CBLN2: variants seen among roughly 807,000 people sequenced by gnomAD.
CBLN2 encodes the protein cerebellin 2 precursor.
Under a neutral mutation model 15.0 loss-of-function variants are expected in CBLN2, and 7 were observed. That is an observed-to-expected ratio of 0.47 (90% CI 0.27 to 0.88). The LOEUF (loss-of-function observed/expected upper bound fraction) is 0.88, where lower values mean the gene tolerates loss of function less well. Among genes scored for constraint, CBLN2 ranks in the 40% least tolerant of loss-of-function variants. The pLI, the probability that CBLN2 is intolerant of heterozygous loss-of-function variation, is 0.14. For missense variants in CBLN2, 242 were observed against 304.5 expected, an observed-to-expected ratio of 0.79 and a Z score of 1.53; for synonymous variants, 149 against 135.2, an observed-to-expected ratio of 1.10 and a Z score of -0.71.
intron 1 of CBLN2, among the ~76,000 whole-genome samples, chr18:72,555,175 G>A (rs918824886): frequency 5.3e-5 from 8 of 150,048 alleles, no homozygotes; most frequent in African/African-American, 2.0e-4. Flanking sequence ...AGAGAGAGAG[G>A]GAAAAAAAAG....
intron 1 of CBLN2, among the ~76,000 whole-genome samples, chr18:72,552,126 C>T (rs1199061542): frequency 4.0e-5 from 6 of 148,340 alleles, no homozygotes; most frequent in South Asian, 2.1e-4. Flanking sequence ...GACAGACTTT[C>T]GCTCTTTTTG....
chr18:72,585,910 A>G (rs1364093666), intron 1 of CBLN2, among the ~76,000 whole-genome samples: 1 of 152,238 alleles, frequency 6.6e-6, no homozygotes, highest in Non-Finnish European at 1.5e-5. Context: ...AGCTTGCAAC[A>G]GTGCTGGGGC....
intron 1 of CBLN2, chr18:72,618,805 C>A: frequency 1.4e-6 from 1 of 740,182 alleles, no homozygotes; most frequent in Non-Finnish European, 2.4e-6. Context: ...TAGGAAAGCC[C>A]TGTCAAAGCA....
Position 72,631,753 on chromosome 18 carries a change from C to T in CBLN2, c.15+6572G>A, listed in dbSNP as rs921375081. Among the ~76,000 whole-genome samples, 4 of 152,102 alleles carry T rather than the reference C, an allele frequency of 2.6e-5. No individual in the cohort carries two copies. In the South Asian group the frequency reaches 8.3e-4, roughly 31 times the overall value. ...AAATTTTCTCAAAACACCTCACTAG[C>T]AGTAGAGCTGCAAAAATTCATCTGA... On this transcript the variant is annotated intron_variant, in intron 1 of 2. Transcript: ENST00000581073.
At chr18:72,563,608 C>A (rs1014905684) in intron 1 of CBLN2, among the ~76,000 whole-genome samples, 1 of 152,198 alleles carries the variant, frequency 6.6e-6, no homozygotes, top group African/African-American at 2.4e-5. Context: ...CTCATCTTCC[C>A]AGTCAAGATC....
chr18:72,595,014 T>A (rs1046534363), intron 1 of CBLN2, among the ~76,000 whole-genome samples: 1 of 151,900 alleles, frequency 6.6e-6, no homozygotes, highest in Non-Finnish European at 1.5e-5. Context: ...GTTTTTTTTT[T>A]CAATTTAATT....
Position 72,537,026 on chromosome 18 carries a change from C to A in CBLN2, c.*1150G>T, listed in dbSNP as rs1203531935. On this transcript the variant is annotated 3_prime_UTR_variant, in exon 5 of 5. Coordinates refer to ENST00000269503, the MANE Select transcript of CBLN2 (RefSeq NM_182511.4). ...TTCCTGGGCAGATCAAAAGAGGATC[C>A]GGAGGAAGAGGAGCTGGTCTGTTGG... 1 of 152,238 alleles carries A rather than the reference C, an allele frequency of 6.6e-6. No individual in the cohort carries two copies. Among genetic ancestry groups the A allele is most frequent in the African/African-American group, 2.4e-5 (1 of 41,396 alleles). The allele number at this position is 152,238 out of a possible 1,614,324, so 9.4% of individuals were successfully genotyped here.
At chr18:72,573,967 T>C (rs898139621) in intron 1 of CBLN2, among the ~76,000 whole-genome samples, 11 of 152,322 alleles carry the variant, frequency 7.2e-5, no homozygotes, top group African/African-American at 1.9e-4. Context: ...TTATTTTCGA[T>C]TTTCGCCATT....
chr18:72,543,767 A>G lies in CBLN2; in HGVS notation c.-212+210T>C, dbSNP rs2069136577. ...CGCGCTGTGCGCCCAGGTGCCTCCAACCCCTGGGCTTCGCGCCCGCACCGC... is the reference window on the plus strand; with the variant it reads ...CGCGCTGTGCGCCCAGGTGCCTCCAGCCCCTGGGCTTCGCGCCCGCACCGC... On this transcript the variant is annotated intron_variant, in intron 1 of 4. Transcript: ENST00000269503. This position sits in a 1 kb window ranked among gnomAD's most constrained non-coding sequence, Gnocchi z 6.8. 6.6e-6 allele frequency among the ~76,000 whole-genome samples: 1 copy of G among 151,598 alleles called. No individual in the cohort carries two copies.
At chr18:72,556,265 AAAAAG>A (rs1296877015) in intron 1 of CBLN2, among the ~76,000 whole-genome samples, 1 of 152,234 alleles carries the variant, frequency 6.6e-6, no homozygotes, top group Non-Finnish European at 1.5e-5. Flanking sequence ...CACAAAAAAG[AAAAAG>A]AAAACACTTA....
chr18:72,636,743 T>A (rs1222917043), intron 1 of CBLN2, among the ~76,000 whole-genome samples: 1 of 152,196 alleles, frequency 6.6e-6, no homozygotes, highest in Non-Finnish European at 1.5e-5. Context: ...AGTCCTACCA[T>A]GAGTCTGGGT....
intron 1 of CBLN2, among the ~76,000 whole-genome samples, chr18:72,578,912 A>G (rs1350572407): frequency 6.6e-6 from 1 of 152,206 alleles, no homozygotes; most frequent in Non-Finnish European, 1.5e-5. Context: ...TCACCTTTCA[A>G]TTCTTCTAAA....
chr18:72,545,335 C>A (rs2069150844), upstream of CBLN2, among the ~76,000 whole-genome samples: 1 of 152,168 alleles, frequency 6.6e-6, no homozygotes, highest in South Asian at 2.1e-4. Context: ...ATTAAAAGTA[C>A]CTCTGAGCCA....
chr18:72,537,112 C>T lies in CBLN2; in HGVS notation c.*1064G>A, dbSNP rs1184654581. On this transcript the variant is annotated 3_prime_UTR_variant, in exon 5 of 5. Transcript: ENST00000269503. ...GGTGGATCCAAATAAATTAAATCAC[C>T]CACAGAGAAGTCACAGCACACGTGG... 3 of 152,082 alleles carry T rather than the reference C, an allele frequency of 2.0e-5. No individual in the cohort carries two copies. Among genetic ancestry groups the T allele is most frequent in the South Asian group, 4.1e-4 (2 of 4,822 alleles). The allele number at this position is 152,082 out of a possible 1,614,324, so 9.4% of individuals were successfully genotyped here. A position where few individuals can be genotyped will look rare whatever the true frequency, so the allele number is the denominator to read the frequency against.
chr18:72,580,102 T>C (rs2069393401), intron 1 of CBLN2, among the ~76,000 whole-genome samples: 1 of 151,878 alleles, frequency 6.6e-6, no homozygotes, highest in Non-Finnish European at 1.5e-5. Context: ...GCATAATATA[T>C]ATATATATAC....
At chr18:72,566,059 C>CA (rs1261928783) in intron 1 of CBLN2, among the ~76,000 whole-genome samples, 3 of 151,956 alleles carry the variant, frequency 2.0e-5, no homozygotes, top group Admixed American at 2.0e-4. Flanking sequence ...CGCAGGTATA[C>CA]AAAAAATGCT....
intron 1 of CBLN2, among the ~76,000 whole-genome samples, chr18:72,601,570 C>T (rs1326409921): frequency 6.6e-6 from 1 of 152,198 alleles, no homozygotes; most frequent in Non-Finnish European, 1.5e-5. Flanking sequence ...CGCAGACCCT[C>T]ACCATTCTAC....
rs1297694118 is a variant in CBLN2, at chr18:72,543,723, C to G, written c.-211-193G>C. Among the ~76,000 whole-genome samples, 1 of 151,800 alleles carries G rather than the reference C, an allele frequency of 6.6e-6. No individual in the cohort carries two copies. Among genetic ancestry groups the G allele is most frequent in the Non-Finnish European group, 1.5e-5 (1 of 67,920 alleles). ...GCGCCCGGGACCGGGAACCCCGCGT[C>G]TCGCCCGGCTCAGCGCCCCGCGCTG... is the stretch of plus-strand genomic sequence containing the variant. On this transcript the variant is annotated intron_variant, in intron 1 of 4. Transcript: ENST00000269503. This position sits in a 1 kb window ranked among gnomAD's most constrained non-coding sequence, Gnocchi z 6.8.
chr18:72,559,994 A>G (rs970080982), intron 1 of CBLN2, among the ~76,000 whole-genome samples: 5 of 152,194 alleles, frequency 3.3e-5, no homozygotes, highest in Admixed American at 6.5e-5. Context: ...CCATAGGAAT[A>G]ATAATATCAG....
Sources: gnomAD v4.1 joint callset for allele counts (sites outside exome capture counted in the v4.1 genomes callset) on GRCh38, gnomAD v4.1.1 for gene constraint, Gnocchi (gnomAD v3.1) non-coding constraint, MANE v1.5 for transcripts, NCBI Gene and HGNC (gene_info 2026-07-23, HGNC 2026-07-21) for gene names.